Variants in ATF6 observed in about 807,000 individuals in gnomAD.
The protein encoded by ATF6 is activating transcription factor 6, also known as cyclic AMP-dependent transcription factor ATF-6 alpha.
In ATF6, 53 loss-of-function variants were observed where a neutral mutation model predicts 83.6. The observed-to-expected ratio is 0.63, with a 90% CI of 0.51 to 0.80. The LOEUF (loss-of-function observed/expected upper bound fraction) is 0.80, where lower values mean the gene tolerates loss of function less well. Among genes scored for constraint, ATF6 ranks in the 30% least tolerant of loss-of-function variants. ATF6 has a pLI of 0.00. For missense variants in ATF6, 744 were observed against 797.9 expected (o/e 0.93, Z 0.81); for synonymous variants, 288 against 285.8 (o/e 1.01, Z -0.08).
chr1:161,901,032 C>T (rs1361564785), intron 14 of ATF6, among the ~76,000 whole-genome samples: 1 of 152,098 alleles, frequency 6.6e-6, no homozygotes, highest in Non-Finnish European at 1.5e-5. Flanking sequence ...TACCCACTTA[C>T]ACATTCTTCT....
chr1:161,826,868 A>C (rs1278950947), intron 9 of ATF6, among the ~76,000 whole-genome samples: 1 of 152,166 alleles, frequency 6.6e-6, no homozygotes, highest in African/African-American at 2.4e-5. Flanking sequence ...TCCCTGAATC[A>C]AATGTTGGGA....
intron 8 of ATF6, among the ~76,000 whole-genome samples, chr1:161,820,315 T>C (rs1377058846): frequency 1.3e-5 from 2 of 152,166 alleles, no homozygotes; most frequent in Non-Finnish European, 2.9e-5. Context: ...GCCTACTGAA[T>C]GGGGCTTCTT....
intron 12 of ATF6, among the ~76,000 whole-genome samples, chr1:161,859,041 T>G (rs1487841507): frequency 6.6e-6 from 1 of 152,204 alleles, no homozygotes; most frequent in Non-Finnish European, 1.5e-5. Context: ...AGTTTTGGTT[T>G]TATTTACTAC....
intron 14 of ATF6, among the ~76,000 whole-genome samples, chr1:161,879,065 A>G (rs1687274823): frequency 6.6e-6 from 1 of 152,162 alleles, no homozygotes; most frequent in South Asian, 2.1e-4. Flanking sequence ...AATTCAGATA[A>G]CAGGTGGAAG....
intron 9 of ATF6, among the ~76,000 whole-genome samples, chr1:161,821,400 A>G (rs903516077): frequency 3.3e-5 from 5 of 152,192 alleles, no homozygotes; most frequent in African/African-American, 1.2e-4. Context: ...GAGTCCTAAC[A>G]TAATATAGAG....
intron 14 of ATF6, among the ~76,000 whole-genome samples, chr1:161,885,629 T>C (rs1687403919): frequency 6.6e-6 from 1 of 152,116 alleles, no homozygotes; most frequent in Non-Finnish European, 1.5e-5. Context: ...AAGAAAAAGA[T>C]AAGTTGCTTG....
At chr1:161,952,989 G>A (rs1688894658) in intron 15 of ATF6, among the ~76,000 whole-genome samples, 2 of 152,110 alleles carry the variant, frequency 1.3e-5, no homozygotes, top group Non-Finnish European at 2.9e-5. Context: ...GTCACGTGAT[G>A]TCTCCATGTT....
At chr1:161,840,220 G>C (rs1686323818) in intron 9 of ATF6, 1 of 152,186 alleles carries the variant, frequency 6.6e-6, no homozygotes. Flanking sequence ...GCTTAGAGAA[G>C]TTGACCAAGT....
chr1:161,777,400 C>A (rs1378107197), intron 1 of ATF6, among the ~76,000 whole-genome samples: 5 of 152,096 alleles, frequency 3.3e-5, no homozygotes, highest in Non-Finnish European at 5.9e-5. Flanking sequence ...TGTAATTGGT[C>A]AGGTTAATAA....
chr1:161,910,218 C>T (rs1336260756), intron 14 of ATF6, among the ~76,000 whole-genome samples: 3 of 152,080 alleles, frequency 2.0e-5, no homozygotes, highest in African/African-American at 7.2e-5. Flanking sequence ...TATATAGACA[C>T]TTATTTTTAT....
At chr1:161,950,338 A>G (rs1688836284) in intron 15 of ATF6, among the ~76,000 whole-genome samples, 1 of 152,166 alleles carries the variant, frequency 6.6e-6, no homozygotes, top group Non-Finnish European at 1.5e-5. Context: ...AAGAACATGT[A>G]ATTCCCATGC....
chr1:161,910,598 A>G (rs1222330550), intron 14 of ATF6, among the ~76,000 whole-genome samples: 4 of 152,186 alleles, frequency 2.6e-5, no homozygotes, highest in Non-Finnish European at 4.4e-5. Context: ...ACCCATGACC[A>G]GTGGAATCTA....
intron 9 of ATF6, among the ~76,000 whole-genome samples, chr1:161,829,695 GACAAAAACCACAT>G (rs1363446857): frequency 1.3e-5 from 2 of 151,918 alleles, no homozygotes; most frequent in Admixed American, 1.3e-4. Context: ...CAGAACCAAA[GACAAAAACCACAT>G]AATTATCTCA....
chr1:161,838,783 C>T (rs1686282662), intron 9 of ATF6, among the ~76,000 whole-genome samples: 1 of 152,156 alleles, frequency 6.6e-6, no homozygotes, highest in Admixed American at 6.5e-5. Context: ...GGTTTCTTCC[C>T]AGAGCACGGT....
chr1:161,945,966 G>C (rs886595677), intron 15 of ATF6, among the ~76,000 whole-genome samples: 1 of 152,088 alleles, frequency 6.6e-6, no homozygotes, highest in African/African-American at 2.4e-5. Context: ...ATGCTACTGA[G>C]TACCTGACTT....
At chr1:161,949,232 G>T (rs183705237) in intron 15 of ATF6, among the ~76,000 whole-genome samples, 1 of 152,144 alleles carries the variant, frequency 6.6e-6, no homozygotes, top group Admixed American at 6.5e-5. Context: ...TCATTCATTC[G>T]TTTATTCCAA....
chr1:161,867,901 T>C (rs536039325), intron 14 of ATF6, among the ~76,000 whole-genome samples: 139 of 152,336 alleles, frequency 9.1e-4, no homozygotes, highest in Middle Eastern at 6.8e-3. Context: ...CATATTTGGG[T>C]ATGCACCCCT....
At chr1:161,933,326 T>C (rs1688471278) in intron 15 of ATF6, among the ~76,000 whole-genome samples, 1 of 152,266 alleles carries the variant, frequency 6.6e-6, no homozygotes, top group African/African-American at 2.4e-5. Context: ...TCCTAAAATA[T>C]GCATATGTGT....
intron 14 of ATF6, among the ~76,000 whole-genome samples, chr1:161,894,722 T>C (rs1027917300): frequency 1.4e-5 from 2 of 144,566 alleles, no homozygotes; most frequent in African/African-American, 5.1e-5. Flanking sequence ...TTTTTTTTTT[T>C]TGTATTTTTA....
Sources: gnomAD v4.1 joint callset for allele counts (sites outside exome capture counted in the v4.1 genomes callset) on GRCh38, gnomAD v4.1.1 for gene constraint, MANE v1.5 for transcripts, NCBI Gene and HGNC (gene_info 2026-07-23, HGNC 2026-07-21) for gene names.